ZNF536: variants seen among roughly 807,000 people sequenced by gnomAD.
ZNF536 encodes zinc finger protein 536.
In ZNF536, 13 loss-of-function variants were observed where a neutral mutation model predicts 84.5. The ratio of observed to expected loss-of-function variants is 0.15; its 90% CI spans 0.10 to 0.24. The LOEUF (loss-of-function observed/expected upper bound fraction) is 0.24, where lower values mean the gene tolerates loss of function less well. Ranked by LOEUF, ZNF536 falls within the 10% of genes least tolerant of loss-of-function variation. ZNF536 has a pLI of 1.00. For missense variants in ZNF536, 1,536 were observed against 1,747.5 expected (o/e 0.88, Z 2.16); for synonymous variants, 811 against 742.5 (o/e 1.09, Z -1.50).
intron 2 of ZNF536, among the ~76,000 whole-genome samples, chr19:30,486,614 C>T (rs2054311385): frequency 6.6e-6 from 1 of 152,104 alleles, no homozygotes; most frequent in Non-Finnish European, 1.5e-5. Context: ...TGGGTATATA[C>T]CTAGTAATGA....
chr19:30,548,192 A>G lies in ZNF536; in HGVS notation c.2573A>G (p.Gln858Arg), dbSNP rs748569058. The G allele has an allele frequency of 7.4e-6, 12 of 1,614,070 alleles. No individual in the cohort carries two copies. The South Asian group carries it at 1.3e-4, about 18-fold the overall frequency. ...TTCAGAGGAGGCCCTGCATCTCAGC[A>G]GTGGACATCAGGGGTTCTCTCCTCT... ...IDFRGGPASQ[Q>R]WTSGVLSSGD... is the part of the protein sequence containing the mutation. The change falls in exon 4 of 5, where the codon CAG (glutamine) becomes CGG (arginine). Residue 858 changes from glutamine to arginine, a missense_variant. By Grantham distance (43) the Gln-to-Arg change is conservative. Around this residue, in one of 8 missense-constraint regions of ZNF536, gnomAD observed 624 missense variants for 603.1 expected, o/e 1.03. Coordinates refer to ENST00000355537, the MANE Select transcript of ZNF536 (RefSeq NM_014717.3).
intron 1 of ZNF536, among the ~76,000 whole-genome samples, chr19:30,417,566 A>G (rs1418782133): frequency 6.6e-6 from 1 of 151,990 alleles, no homozygotes; most frequent in Non-Finnish European, 1.5e-5. Flanking sequence ...ATACCATTAG[A>G]AAAAAAAGGA....
chr19:30,370,326 C>T (rs1419955970), upstream of ZNF536, among the ~76,000 whole-genome samples: 1 of 152,086 alleles, frequency 6.6e-6, no homozygotes, highest in African/African-American at 2.4e-5. Context: ...CGTATTTCCC[C>T]AACTATTGTA....
upstream of ZNF536, among the ~76,000 whole-genome samples, chr19:30,369,279 G>C (rs1416726396): frequency 6.6e-6 from 1 of 152,180 alleles, no homozygotes; most frequent in Non-Finnish European, 1.5e-5. Flanking sequence ...GTGGGATTAA[G>C]ATTGTTAAAA....
chr19:30,708,799 G>T (rs1404048952), intron 1 of ZNF536, among the ~76,000 whole-genome samples: 2 of 152,218 alleles, frequency 1.3e-5, no homozygotes, highest in African/African-American at 4.8e-5. Flanking sequence ...TTCCAACGTT[G>T]CATTGGATTC....
Position 30,353,556 on chromosome 19 carries a change from G to GC in ZNF536, c.-3+1073dup, listed in dbSNP as rs2048002412. Among the ~76,000 whole-genome samples the GC allele has an allele frequency of 2.6e-5, 4 of 152,218 alleles. No homozygotes were observed. In the South Asian group the frequency reaches 8.3e-4, roughly 32 times the overall value. ...CCCCTGGCACCGGTGACTTCTCAGA[G>GC]CACTGGGTCTCCCCTAGGCATGGTG... On this transcript the variant is annotated intron_variant, in intron 3 of 5. Coordinates refer to the ZNF536 transcript ENST00000585628.
intron 3 of ZNF536, among the ~76,000 whole-genome samples, chr19:30,535,293 C>T (rs2045022461): frequency 1.3e-5 from 2 of 152,168 alleles, no homozygotes; most frequent in African/African-American, 4.8e-5. Context: ...TAATGGTTTC[C>T]TTCTGCTGTA....
chr19:30,331,418 C>A (rs1342123368), intron 2 of ZNF536, among the ~76,000 whole-genome samples: 2 of 149,272 alleles, frequency 1.3e-5, no homozygotes, highest in African/African-American at 5.0e-5. Flanking sequence ...AGTGGTCATG[C>A]TGATTCCCCA....
chr19:30,505,342 G>A (rs1568494435), intron 2 of ZNF536, among the ~76,000 whole-genome samples: 1 of 143,842 alleles, frequency 7.0e-6, no homozygotes, highest in Non-Finnish European at 1.5e-5. Flanking sequence ...TATATTTTAT[G>A]ATAATAAATA....
At chr19:30,552,158 T>A (rs1395601893) in intron 4 of ZNF536, among the ~76,000 whole-genome samples, 5 of 152,224 alleles carry the variant, frequency 3.3e-5, no homozygotes, top group African/African-American at 1.2e-4. Flanking sequence ...ATTAGCACAA[T>A]GAATAAAATA....
chr19:30,285,202 T>A (rs1468221455), intron 2 of ZNF536, among the ~76,000 whole-genome samples: 1 of 152,230 alleles, frequency 6.6e-6, no homozygotes, highest in Non-Finnish European at 1.5e-5. Flanking sequence ...TAGCTTCCTA[T>A]AATATTTTTG....
intron 2 of ZNF536, among the ~76,000 whole-genome samples, chr19:30,327,564 A>T (rs889690100): frequency 6.6e-6 from 1 of 152,254 alleles, no homozygotes; most frequent in African/African-American, 2.4e-5. Context: ...TGACATTTGC[A>T]TGCCGTAATT....
In ZNF536 at chr19:30,534,835, C is replaced by T. The variant is rs2145930669; in HGVS notation, c.2171-12C>T. The T allele has an allele frequency of 3.1e-6, 5 of 1,604,524 alleles. No individual in the cohort carries two copies. Among genetic ancestry groups the T allele is most frequent in the Non-Finnish European group, 4.3e-6 (5 of 1,174,406 alleles). On this transcript the variant is annotated splice_polypyrimidine_tract_variant and intron_variant, in intron 2 of 4. Transcript: ENST00000355537. ...GCTGAAGTGATGTGAGAACGTTTCT[C>T]CTTCGCTGCAGACATTGGCGAGGAG...
chr19:30,315,736 A>G (rs1444282494), intron 2 of ZNF536, among the ~76,000 whole-genome samples: 2 of 152,210 alleles, frequency 1.3e-5, no homozygotes, highest in Non-Finnish European at 2.9e-5. Context: ...GAAAATTCCT[A>G]TAATGCATTT....
At chr19:30,603,979 A>G (rs1338268722) in intron 1 of ZNF536, among the ~76,000 whole-genome samples, 2 of 152,132 alleles carry the variant, frequency 1.3e-5, no homozygotes, top group Non-Finnish European at 2.9e-5. Context: ...AATCCCAGCT[A>G]CTCTGAAGAC....
At chr19:30,526,314 G>A (rs540603181) in intron 2 of ZNF536, among the ~76,000 whole-genome samples, 2 of 152,322 alleles carry the variant, frequency 1.3e-5, no homozygotes, top group Admixed American at 1.3e-4. Flanking sequence ...AAGATGTGGC[G>A]GTCTGCGGAT....
chr19:30,510,301 A>G (rs2055357108), intron 2 of ZNF536, among the ~76,000 whole-genome samples: 1 of 152,222 alleles, frequency 6.6e-6, no homozygotes, highest in Admixed American at 6.5e-5. Flanking sequence ...ATAAATGAAT[A>G]CGCAGATTGT....
chr19:30,610,309 A>G (rs1040313281), intron 1 of ZNF536, among the ~76,000 whole-genome samples: 2 of 152,174 alleles, frequency 1.3e-5, no homozygotes, highest in African/African-American at 4.8e-5. Flanking sequence ...GACGGCAACC[A>G]TATTTCCATC....
At chr19:30,631,091 G>A (rs888570762) in intron 1 of ZNF536, among the ~76,000 whole-genome samples, 1 of 152,196 alleles carries the variant, frequency 6.6e-6, no homozygotes, top group African/African-American at 2.4e-5. Context: ...GCGGAGGCTG[G>A]GCCGTGCAGC....
Sources: allele counts gnomAD v4.1 joint callset (sites outside exome capture counted in the v4.1 genomes callset), GRCh38; gene constraint gnomAD v4.1.1; regional missense constraint gnomAD v4.1.1; transcripts MANE v1.5; gene names NCBI Gene and HGNC (gene_info 2026-07-23, HGNC 2026-07-21).